The following ASB13 variants were observed in gnomAD, a reference collection of about 807,000 sequenced individuals.
ASB13 encodes ankyrin repeat and SOCS box protein 13.
ASB13 carries 33 observed loss-of-function variants against 28.8 expected under a neutral mutation model. The ratio of observed to expected loss-of-function variants is 1.15; its 90% CI spans 0.87 to 1.53. The LOEUF (loss-of-function observed/expected upper bound fraction) is 1.53. Ranked by LOEUF, ASB13 falls within the 40% of genes most tolerant of loss-of-function variation. The pLI is 0.00. For missense variants in ASB13, 414 were observed against 390.1 expected (o/e 1.06, Z -0.52); for synonymous variants, 182 against 172.9 (o/e 1.05, Z -0.41).
rs116145945 is a variant in ASB13 at position 5,649,085 on chromosome 10, C to A, written c.402G>T (p.Arg134Ser). ...GATTGGCCCCGACGTCAATAAGAAGCCTCACACATTCGGAACTCCCTTAAG... is the reference window on the plus strand; with the variant it reads ...GATTGGCCCCGACGTCAATAAGAAGACTCACACATTCGGAACTCCCTTAAG... ...ACMSGSSECV[R>S]LLIDVGANLE... Residue 134 changes from arginine to serine, a missense_variant, in exon 4 of 6, where the codon AGG becomes AGT. Transcript: ENST00000357700. This position sits in a 1 kb window ranked among gnomAD's most constrained non-coding sequence, Gnocchi z 6.4. The A allele has an allele frequency of 2.3e-5, 37 of 1,614,116 alleles. No homozygotes were observed. Among genetic ancestry groups the A allele is most frequent in the Non-Finnish European group, 3.1e-5 (37 of 1,180,058 alleles).
chr10:5,665,388 A>T (rs1195011763), intron 1 of ASB13, among the ~76,000 whole-genome samples: 1 of 152,266 alleles, frequency 6.6e-6, no homozygotes, highest in Non-Finnish European at 1.5e-5. Context: ...AATACCAGTG[A>T]ACCTCAAAAG....
At chr10:5,643,285 A>C (rs1439450640) in intron 4 of ASB13, among the ~76,000 whole-genome samples, 1 of 152,220 alleles carries the variant, frequency 6.6e-6, no homozygotes, top group Non-Finnish European at 1.5e-5. Flanking sequence ...GAGAGGTGGA[A>C]CGCTTTTACA....
In ASB13 at chr10:5,662,542, A is replaced by C. The variant is rs945053515; in HGVS notation, c.43+3967T>G. ...GAGACTCTGTCGAGAAGGGGGGGGG[A>C]GGGGAGGGGAGGGGAGGGGAGGGGA... is the stretch of plus-strand genomic sequence containing the variant. On this transcript the variant is annotated intron_variant, in intron 1 of 5. Coordinates refer to ENST00000357700, the MANE Select transcript of ASB13 (RefSeq NM_024701.4). Among the ~76,000 whole-genome samples, 2 of 11,818 alleles carry C rather than the reference A, an allele frequency of 1.7e-4. 1 individual carries two copies. The highest frequency in any genetic ancestry group is 1.8e-3 in the Admixed American group (2 of 1,130). The allele number at this position is 11,818 out of a possible 152,430, so 7.8% of individuals were successfully genotyped here.
In ASB13 at chr10:5,649,678, AC is replaced by A. The variant is rs1477484792; in HGVS notation, c.383-575del. Among the ~76,000 whole-genome samples the A allele has an allele frequency of 1.3e-5, 2 of 151,768 alleles. No individual in the cohort carries two copies. The highest frequency in any genetic ancestry group is 2.9e-5 in the Non-Finnish European group (2 of 67,948). The stretch of plus-strand genomic sequence containing the variant: ...ATAGCTGGAATTACAGGCATGCACC[AC>A]CGTGCCCGACTAATTTTTTTGTATT... On this transcript the variant is annotated intron_variant, in intron 3 of 5. Coordinates refer to ENST00000357700, the MANE Select transcript of ASB13 (RefSeq NM_024701.4). This position sits in a 1 kb window ranked among gnomAD's most constrained non-coding sequence, Gnocchi z 6.4.
chr10:5,654,564 A>C (rs1835042752), intron 1 of ASB13, among the ~76,000 whole-genome samples: 2 of 152,186 alleles, frequency 1.3e-5, no homozygotes, highest in African/African-American at 4.8e-5. Context: ...GAAACCACGC[A>C]CGTGTTTTCT....
rs1460165702 is a variant in ASB13, at chr10:5,655,745, A to C, written c.44-2695T>G. Among the ~76,000 whole-genome samples, 1 of 152,206 alleles carries C rather than the reference A, an allele frequency of 6.6e-6. No homozygotes were observed. Among genetic ancestry groups the C allele is most frequent in the Non-Finnish European group, 1.5e-5 (1 of 68,030 alleles). ...TAGTGTCACTTTAAAATCAATCCGC[A>C]GGGAGCAAAATCCTAAGGGTAGAAG... On this transcript the variant is annotated intron_variant, in intron 1 of 5. Coordinates refer to ENST00000357700, the MANE Select transcript of ASB13 (RefSeq NM_024701.4). The surrounding 1 kb of genome is among the most constrained non-coding windows in gnomAD (Gnocchi z 6.2).
intron 4 of ASB13, 36 bp downstream of exon 4, chr10:5,648,934 T>A: frequency 6.2e-7 from 1 of 1,607,262 alleles, no homozygotes; most frequent in Non-Finnish European, 8.5e-7. Context: ...AAACACCCAC[T>A]CAGGTAAACA....
At position 5,658,923 on chromosome 10, in the gene ASB13, G is replaced by A. The variant is rs1835113782; in HGVS notation, c.44-5873C>T. 6.6e-6 allele frequency among the ~76,000 whole-genome samples: 1 copy of A among 152,046 alleles called. No homozygotes were observed. Among genetic ancestry groups the A allele is most frequent in the African/African-American group, 2.4e-5 (1 of 41,394 alleles). Reference sequence around the variant, plus strand: ...CCCAAACCACCGATGGCCCTTCCAGGGGGCGAAGAGACCCACTCTCTTCAT... The same window carrying A: ...CCCAAACCACCGATGGCCCTTCCAGAGGGCGAAGAGACCCACTCTCTTCAT... On this transcript the variant is annotated intron_variant, in intron 1 of 5. Transcript: ENST00000357700. The surrounding 1 kb of genome is among the most constrained non-coding windows in gnomAD (Gnocchi z 4.2).
rs1357279392 is a variant in ASB13, at chr10:5,642,119, T to C, written c.518-158A>G. ...CTACCGTAGCTTTCAAAAATGTTTT[T>C]CAACATCCAAAAGCAGGAACTACTT... On this transcript the variant is annotated intron_variant, in intron 4 of 5. Transcript: ENST00000357700. This position sits in a 1 kb window ranked among gnomAD's most constrained non-coding sequence, Gnocchi z 4.1. Among the ~76,000 whole-genome samples the C allele has an allele frequency of 1.3e-5, 2 of 152,024 alleles. No individual in the cohort carries two copies. Among genetic ancestry groups the C allele is most frequent in the African/African-American group, 4.8e-5 (2 of 41,366 alleles).
Position 5,651,393 on chromosome 10 carries a change from G to A in ASB13, c.232-30C>T. 1.3e-6 allele frequency: 2 copies of A among 1,555,980 alleles called. No homozygotes were observed. Among genetic ancestry groups the A allele is most frequent in the East Asian group, 2.3e-5 (1 of 42,692 alleles). Reference sequence around the variant, plus strand: ...CGGGAGGAAGAAACAAGTGTCAAAGGGCAGAGAAATGCCACGCAACCCACT... The same window carrying A: ...CGGGAGGAAGAAACAAGTGTCAAAGAGCAGAGAAATGCCACGCAACCCACT... On this transcript the variant is annotated intron_variant, in intron 2 of 5. Coordinates refer to ENST00000357700, the MANE Select transcript of ASB13 (RefSeq NM_024701.4). The surrounding 1 kb of genome is among the most constrained non-coding windows in gnomAD (Gnocchi z 5.1).
Position 5,650,690 on chromosome 10 carries a change from G to A in ASB13, c.382+523C>T, listed in dbSNP as rs148882796. Among the ~76,000 whole-genome samples, 1 of 152,328 alleles carries A rather than the reference G, an allele frequency of 6.6e-6. No homozygotes were observed. The highest frequency in any genetic ancestry group is 1.5e-5 in the Non-Finnish European group (1 of 68,040). On this transcript the variant is annotated intron_variant, in intron 3 of 5. Transcript: ENST00000357700. This position sits in a 1 kb window ranked among gnomAD's most constrained non-coding sequence, Gnocchi z 6.0. Reference sequence around the variant, plus strand: ...TTCTGATGCAGTAAGATAGGACAAGGAATGTTCCCCATGCTCGGGGTGCCC... The same window carrying A: ...TTCTGATGCAGTAAGATAGGACAAGAAATGTTCCCCATGCTCGGGGTGCCC...
At position 5,660,222 on chromosome 10, in the gene ASB13, C is replaced by T. The variant is rs191515532; in HGVS notation, c.43+6287G>A. Among the ~76,000 whole-genome samples, 11 of 152,302 alleles carry T rather than the reference C, an allele frequency of 7.2e-5. No homozygotes were observed. Among genetic ancestry groups the T allele is most frequent in the East Asian group, 1.9e-4 (1 of 5,176 alleles). On this transcript the variant is annotated intron_variant, in intron 1 of 5. Transcript: ENST00000357700. This position sits in a 1 kb window ranked among gnomAD's most constrained non-coding sequence, Gnocchi z 6.1. Reference sequence around the variant, plus strand: ...TGTATCTACTGCAGACTACGGCAGACGTCACCTTGAGAAGGAATGACACGT... The same window carrying T: ...TGTATCTACTGCAGACTACGGCAGATGTCACCTTGAGAAGGAATGACACGT...
rs1485631598 is a variant in ASB13 at position 5,658,358 on chromosome 10, G to A, written c.44-5308C>T. Among the ~76,000 whole-genome samples the A allele has an allele frequency of 1.3e-5, 2 of 152,046 alleles. No homozygotes were observed. The highest frequency in any genetic ancestry group is 2.9e-5 in the Non-Finnish European group (2 of 68,016). On this transcript the variant is annotated intron_variant, in intron 1 of 5. Coordinates refer to ENST00000357700, the MANE Select transcript of ASB13 (RefSeq NM_024701.4). This position sits in a 1 kb window ranked among gnomAD's most constrained non-coding sequence, Gnocchi z 4.2. The stretch of plus-strand genomic sequence containing the variant: ...AGGCAGGAGAATCACTTGAACCCAG[G>A]AGGTGGAGGTTGCAGTGAGCCAAAA...
intron 1 of ASB13, among the ~76,000 whole-genome samples, chr10:5,662,748 G>C (rs1042065133): frequency 1.2e-4 from 18 of 152,104 alleles, no homozygotes; most frequent in Admixed American, 1.2e-3. Flanking sequence ...TAAAATGGGG[G>C]CTAAATCCAC....
rs898415870 is a variant in ASB13, at chr10:5,660,479, C to A, written c.43+6030G>T. The stretch of plus-strand genomic sequence containing the variant: ...AAGTGGCTCAGGGTCAGCCTACCCT[C>A]AGGGAGCAGACTCTACAGGGGCAAG... On this transcript the variant is annotated intron_variant, in intron 1 of 5. Transcript: ENST00000357700. The surrounding 1 kb of genome is among the most constrained non-coding windows in gnomAD (Gnocchi z 6.1). Among the ~76,000 whole-genome samples the A allele has an allele frequency of 5.3e-5, 8 of 152,194 alleles. No individual in the cohort carries two copies. The highest frequency in any genetic ancestry group is 1.9e-4 in the African/African-American group (8 of 41,462).
Position 5,658,733 on chromosome 10 carries a change from T to C in ASB13, c.44-5683A>G, listed in dbSNP as rs1230482690. On this transcript the variant is annotated intron_variant, in intron 1 of 5. Coordinates refer to ENST00000357700, the MANE Select transcript of ASB13 (RefSeq NM_024701.4). This position sits in a 1 kb window ranked among gnomAD's most constrained non-coding sequence, Gnocchi z 4.2. ...CTGTGCTCTCTACTACAATTAAAAA[T>C]AGAAAAAAAAAATTTTTAAGTAACC... is the stretch of plus-strand genomic sequence containing the variant. 1.3e-5 allele frequency among the ~76,000 whole-genome samples: 2 copies of C among 151,500 alleles called. No individual in the cohort carries two copies. Among genetic ancestry groups the C allele is most frequent in the African/African-American group, 4.9e-5 (2 of 41,084 alleles).
chr10:5,660,176 G>A lies in ASB13; in HGVS notation c.43+6333C>T, dbSNP rs1835137895. Among the ~76,000 whole-genome samples, 1 of 152,204 alleles carries A rather than the reference G, an allele frequency of 6.6e-6. No homozygotes were observed. Among genetic ancestry groups the A allele is most frequent in the South Asian group, 2.1e-4 (1 of 4,826 alleles). ...GCAAAAGCCTTTGCCCTGAAAACTA[G>A]AGTTTCACAGATGTCACCTATGTAT... On this transcript the variant is annotated intron_variant, in intron 1 of 5. Transcript: ENST00000357700. The surrounding 1 kb of genome is among the most constrained non-coding windows in gnomAD (Gnocchi z 6.1).
At chr10:5,653,489 GCA>G (rs1326593324) in intron 1 of ASB13, among the ~76,000 whole-genome samples, 1 of 152,114 alleles carries the variant, frequency 6.6e-6, no homozygotes, top group African/African-American at 2.4e-5. Context: ...CAATGCTCAC[GCA>G]CACACGCTCA....
chr10:5,648,447 C>A (rs1340608174), intron 4 of ASB13, among the ~76,000 whole-genome samples: 2 of 148,608 alleles, frequency 1.3e-5, no homozygotes, highest in African/African-American at 4.9e-5. Flanking sequence ...CTCAGGTAAA[C>A]ACCCACGCAG....
Sources: gnomAD v4.1 joint callset for allele counts (sites outside exome capture counted in the v4.1 genomes callset) on GRCh38, gnomAD v4.1.1 for gene constraint, Gnocchi (gnomAD v3.1) non-coding constraint, MANE v1.5 for transcripts, NCBI Gene and HGNC (gene_info 2026-07-23, HGNC 2026-07-21) for gene names.